Variants in NSD2 observed in about 807,000 individuals in gnomAD.
The protein encoded by NSD2 is histone-lysine N-methyltransferase NSD2.
Under a neutral mutation model 139.0 loss-of-function variants are expected in NSD2, and 12 were observed. The observed-to-expected ratio is 0.09, with a 90% CI of 0.06 to 0.14. The LOEUF is 0.14. Among genes scored for constraint, NSD2 ranks in the 10% least tolerant of loss-of-function variants. The pLI is 1.00. For missense variants in NSD2, 1,155 were observed against 1,745.0 expected (o/e 0.66, Z 6.02); for synonymous variants, 669 against 648.7 (o/e 1.03, Z -0.48).
chr4:1,969,738 A>T (rs562429435), intron 18 of NSD2, among the ~76,000 whole-genome samples: 1 of 152,254 alleles, frequency 6.6e-6, no homozygotes, highest in East Asian at 1.9e-4. Flanking sequence ...GACCCAAAAC[A>T]GCAGAACTTC....
Position 1,927,246 on chromosome 4 carries a change from C to T in NSD2, c.1411-3380C>T, listed in dbSNP as rs1198406472. ...AAGAGCAAGGTGGATATCTTTTATGCCCTACACTTGGAGTCATATGCAACC... is the reference window on the plus strand; with the variant it reads ...AAGAGCAAGGTGGATATCTTTTATGTCCTACACTTGGAGTCATATGCAACC... On this transcript the variant is annotated intron_variant, in intron 5 of 21. Coordinates refer to ENST00000508803, the MANE Select transcript of NSD2 (RefSeq NM_001042424.3). Among the ~76,000 whole-genome samples, 12 of 152,230 alleles carry T rather than the reference C, an allele frequency of 7.9e-5. 1 individual carries two copies. The highest frequency in any genetic ancestry group is 3.4e-3 in the Middle Eastern group (1 of 294).
chr4:1,872,790 A>G (rs1434628127), intron 1 of NSD2, among the ~76,000 whole-genome samples: 1 of 152,082 alleles, frequency 6.6e-6, no homozygotes, highest in Non-Finnish European at 1.5e-5. Flanking sequence ...TATTCACTCT[A>G]TTTTGTGTAT....
intron 9 of NSD2, chr4:1,946,568 G>T (rs1219323125): frequency 9.8e-7 from 1 of 1,018,702 alleles, no homozygotes; most frequent in East Asian, 6.6e-5. Context: ...TGCACCTGGC[G>T]GGGTCTTGCT....
At position 1,958,155 on chromosome 4, in the gene NSD2, G is replaced by C; in HGVS notation, c.2985+119G>C. 3.0e-6 allele frequency: 3 copies of C among 1,014,694 alleles called. No individual in the cohort carries two copies. The highest frequency in any genetic ancestry group is 4.4e-6 in the Non-Finnish European group (3 of 680,642). 62.9% of individuals were successfully genotyped at this position (1,014,694 alleles called of 1,614,324 possible). ...AGGACTGTCACCAGCCAGGATCTGT[G>C]GTGCCTGGCATGGATGGCCACACAA... On this transcript the variant is annotated intron_variant, in intron 16 of 21. Transcript: ENST00000508803. The surrounding 1 kb of genome is among the most constrained non-coding windows in gnomAD (Gnocchi z 4.6).
At chr4:1,926,013 A>G (rs966104480) in intron 5 of NSD2, among the ~76,000 whole-genome samples, 4 of 151,200 alleles carry the variant, frequency 2.6e-5, no homozygotes, top group Non-Finnish European at 3.0e-5. Context: ...ATGTTGCCCA[A>G]TCTGGACTCA....
intron 1 of NSD2, 64 bp from the exon 2 acceptor site, chr4:1,900,562 T>C: frequency 8.9e-7 from 1 of 1,129,814 alleles, no homozygotes; most frequent in Admixed American, 2.7e-5. Flanking sequence ...GGTCCTGGCA[T>C]ACCTATCCTA....
rs1202164011 is a variant in NSD2, at chr4:1,902,993, A to G, written c.598-1223A>G. 2.6e-5 allele frequency among the ~76,000 whole-genome samples: 4 copies of G among 152,132 alleles called. No homozygotes were observed. The East Asian group carries it at 7.7e-4, about 29-fold the overall frequency. On this transcript the variant is annotated intron_variant, in intron 2 of 21. Coordinates refer to ENST00000508803, the MANE Select transcript of NSD2 (RefSeq NM_001042424.3). ...AGTTCAAGACTAGCCTGGGCAACAT[A>G]GCGAGACCCGGTCTCTATAAAAAAT...
rs773660936 is a variant in NSD2 at position 1,900,820 on chromosome 4, A to G, written c.166A>G (p.Ser56Gly). 3.1e-6 allele frequency: 5 copies of G among 1,614,160 alleles called. No individual in the cohort carries two copies. Among genetic ancestry groups the G allele is most frequent in the Admixed American group, 1.7e-5 (1 of 60,010 alleles). ...VFLSKAQLSS[S>G]LQEGVMQKFN... ...CCTCAGCAAAGCCCAGCTCTCCAGT[A>G]GCCTGCAGGAGGGGGTCATGCAGAA... Residue 56 changes from serine (S) to glycine (G), a missense_variant, in exon 2 of 22, where the codon AGC (serine) becomes GGC (glycine). Transcript: ENST00000508803.
In NSD2 at chr4:1,895,742, T is replaced by C. The variant is rs373336185; in HGVS notation, c.-29-4884T>C. On this transcript the variant is annotated intron_variant, in intron 1 of 21. Transcript: ENST00000508803. ...CCCATGAGCAGTTCTCAGGTTTCCC[T>C]GCAGGTCCTACCAGTGTCACTCATT... Among the ~76,000 whole-genome samples the C allele has an allele frequency of 1.5e-3, 234 of 152,346 alleles. 3 individuals are homozygous for C. Among genetic ancestry groups the C allele is most frequent in the African/African-American group, 5.1e-3 (212 of 41,588 alleles).
chr4:1,952,534 A>T (rs1176918768), intron 11 of NSD2, among the ~76,000 whole-genome samples: 1 of 152,106 alleles, frequency 6.6e-6, no homozygotes, highest in African/African-American at 2.4e-5. Context: ...AGCCTGTGCT[A>T]TGTGTGAGGC....
At position 1,981,522 on chromosome 4, in the gene NSD2, A is replaced by G. The variant is rs1424160001; in HGVS notation, c.*2613A>G. On this transcript the variant is annotated 3_prime_UTR_variant, in exon 22 of 22. Coordinates refer to ENST00000508803, the MANE Select transcript of NSD2 (RefSeq NM_001042424.3). ...GAAACCAGCATCTGCACCTAAACCCATACCCACCCGTGTGCGCCCACAGGG... is the reference window on the plus strand; with the variant it reads ...GAAACCAGCATCTGCACCTAAACCCGTACCCACCCGTGTGCGCCCACAGGG... 3.6e-6 allele frequency: 1 copy of G among 276,770 alleles called. No homozygotes were observed. The highest frequency in any genetic ancestry group is 6.8e-6 in the Non-Finnish European group (1 of 148,010). The allele number at this position is 276,770 out of a possible 1,614,324, so 17.1% of individuals were successfully genotyped here. A position where few individuals can be genotyped will look rare whatever the true frequency, so the allele number is the denominator to read the frequency against.
At chr4:1,886,988 C>G (rs755474796) in intron 1 of NSD2, among the ~76,000 whole-genome samples, 10 of 152,042 alleles carry the variant, frequency 6.6e-5, no homozygotes, top group Non-Finnish European at 1.3e-4. Flanking sequence ...TCCCAACATT[C>G]CCAATATTGT....
intron 6 of NSD2, 30 bp from the exon 7 acceptor site, chr4:1,935,114 A>G (rs756224321): frequency 1.9e-6 from 3 of 1,580,420 alleles, no homozygotes; most frequent in South Asian, 2.2e-5. Context: ...AGTGGTTTTC[A>G]TGTACATTTT....
intron 11 of NSD2, chr4:1,952,839 A>G (rs1724421504): frequency 2.4e-6 from 3 of 1,245,718 alleles, no homozygotes; most frequent in African/African-American, 3.0e-5. Context: ...ACCGGGCCCA[A>G]GGAGTCTCCT....
At chr4:1,934,500 A>T (rs930830642) in intron 6 of NSD2, among the ~76,000 whole-genome samples, 1 of 151,588 alleles carries the variant, frequency 6.6e-6, no homozygotes, top group African/African-American at 2.4e-5. Flanking sequence ...TCTCAAAAAT[A>T]AATAAATAGA....
intron 1 of NSD2, among the ~76,000 whole-genome samples, chr4:1,895,808 T>G (rs1278223574): frequency 1.3e-5 from 2 of 152,208 alleles, no homozygotes; most frequent in Non-Finnish European, 2.9e-5. Flanking sequence ...GGATTTAGCC[T>G]TCTTAGGCGG....
chr4:1,945,228 G>T, intron 9 of NSD2: 1 of 1,067,114 alleles, frequency 9.4e-7, no homozygotes, highest in Non-Finnish European at 1.1e-6. Context: ...AACAAGACGG[G>T]GTGGGGTGGG....
chr4:1,951,482 A>G (rs1195854396), intron 10 of NSD2, among the ~76,000 whole-genome samples: 2 of 144,068 alleles, frequency 1.4e-5, no homozygotes, highest in Non-Finnish European at 3.0e-5. Flanking sequence ...ACACACACAC[A>G]CACACACACA....
chr4:1,887,274 C>T (rs756118411), intron 1 of NSD2, among the ~76,000 whole-genome samples: 8 of 152,120 alleles, frequency 5.3e-5, no homozygotes, highest in Non-Finnish European at 8.8e-5. Context: ...TGAGATCTGC[C>T]AGTCGTTTTA....
Sources: gnomAD v4.1 joint callset for allele counts (sites outside exome capture counted in the v4.1 genomes callset) on GRCh38, gnomAD v4.1.1 for gene constraint, Gnocchi (gnomAD v3.1) non-coding constraint, MANE v1.5 for transcripts, NCBI Gene and HGNC (gene_info 2026-07-23, HGNC 2026-07-21) for gene names.